DCLK3: variants seen among roughly 807,000 people sequenced by gnomAD.
DCLK3 encodes the protein serine/threonine-protein kinase DCLK3.
DCLK3 carries 30 observed loss-of-function variants against 46.4 expected under a neutral mutation model. The observed-to-expected ratio is 0.65, with a 90% confidence interval of 0.48 to 0.88. The LOEUF is 0.88. Ranked by LOEUF, DCLK3 falls within the 40% of genes least tolerant of loss-of-function variation. DCLK3 has a pLI of 0.00. For synonymous variants in DCLK3, 401 were observed against 339.2 expected (o/e 1.18, Z -2.00); for missense variants, 846 against 907.1 (o/e 0.93, Z 0.87).
At chr3:36,731,451 G>GCACACA (rs55823722) in intron 2 of DCLK3, among the ~76,000 whole-genome samples, 26 of 148,672 alleles carry the variant, frequency 1.7e-4, no homozygotes, top group South Asian at 4.3e-4. Flanking sequence ...CTTCGTGCGT[G>GCACACA]CACACACACA....
In DCLK3 at chr3:36,737,655, C is replaced by A; in HGVS notation, c.1512G>T (p.Glu504Asp). Residue 504 changes from glutamate to aspartate, a missense_variant, in exon 2 of 5, where the codon GAG becomes GAT. Transcript: ENST00000636136. The surrounding 1 kb of genome is among the most constrained non-coding windows in gnomAD (Gnocchi z 4.4). ...PKTRPEENKPERPSGRKPRPM... is the reference protein window; with the variant it reads ...PKTRPEENKPDRPSGRKPRPM... ...GCCGTGGCTTCCGACCGCTGGGCCG[C>A]TCTGGCTTGTTCTCTTCTGGCCTCG... 1 of 1,613,926 alleles carries A rather than the reference C, an allele frequency of 6.2e-7. No individual in the cohort carries two copies. The highest frequency in any genetic ancestry group is 8.5e-7 in the Non-Finnish European group (1 of 1,179,922).
chr3:36,748,873 C>A (rs949837078), intron 1 of DCLK3, among the ~76,000 whole-genome samples: 16 of 152,208 alleles, frequency 1.1e-4, no homozygotes, highest in Non-Finnish European at 4.4e-5. Flanking sequence ...TCTCTTCACA[C>A]GCAGCTCTTT....
At chr3:36,747,902 C>A (rs1042948473) in intron 1 of DCLK3, among the ~76,000 whole-genome samples, 3 of 152,174 alleles carry the variant, frequency 2.0e-5, no homozygotes, top group Non-Finnish European at 4.4e-5. Context: ...TTTAACAAGA[C>A]CCTCAGGTGG....
chr3:36,754,994 A>G (rs1362433284), intron 1 of DCLK3, among the ~76,000 whole-genome samples: 2 of 152,242 alleles, frequency 1.3e-5, no homozygotes, highest in Admixed American at 6.5e-5. Flanking sequence ...TGAAGCTTAT[A>G]TGTACATACA....
At chr3:36,740,418 A>C (rs1461045448) in intron 1 of DCLK3, among the ~76,000 whole-genome samples, 2 of 152,200 alleles carry the variant, frequency 1.3e-5, no homozygotes, top group East Asian at 1.9e-4. Context: ...GGTATTTCTT[A>C]AAGCTCTGAC....
intron 4 of DCLK3, among the ~76,000 whole-genome samples, chr3:36,716,538 T>C (rs536663998): frequency 6.6e-6 from 1 of 152,346 alleles, no homozygotes; most frequent in African/African-American, 2.4e-5. Context: ...TTGAGAATCC[T>C]CAGACTCTTG....
chr3:36,755,158 C>G (rs986973546), intron 1 of DCLK3, among the ~76,000 whole-genome samples: 1 of 152,038 alleles, frequency 6.6e-6, no homozygotes, highest in African/African-American at 2.4e-5. Flanking sequence ...TTAGAAAAGC[C>G]GTTTAAATGA....
At chr3:36,732,549 C>T (rs1404924264) in intron 2 of DCLK3, among the ~76,000 whole-genome samples, 1 of 152,214 alleles carries the variant, frequency 6.6e-6, no homozygotes, top group African/African-American at 2.4e-5. Flanking sequence ...AGCATTCTCA[C>T]TGACTCGATC....
intron 2 of DCLK3, among the ~76,000 whole-genome samples, chr3:36,727,898 C>G (rs1311218029): frequency 6.6e-6 from 1 of 152,232 alleles, no homozygotes; most frequent in Non-Finnish European, 1.5e-5. Flanking sequence ...GGCTTCAGAA[C>G]AGTTCCTATC....
Position 36,738,027 on chromosome 3 carries a change from A to C in DCLK3, c.1140T>G (p.Thr380=), listed in dbSNP as rs1320737429. 6.2e-7 allele frequency: 1 copy of C among 1,613,780 alleles called. No individual in the cohort carries two copies. The highest frequency in any genetic ancestry group is 1.3e-5 in the African/African-American group (1 of 74,842). ...DSHRSSPRNP[T]QELRRPSKSM... ...TCTTGCTGGGTCTCCTCAGCTCTTG[A>C]GTGGGATTCCTGGGGCTGCTCCTGT... Residue 380 remains threonine (T), a synonymous_variant, in exon 2 of 5, where the codon ACT becomes ACG. Coordinates refer to ENST00000636136, the MANE Select transcript of DCLK3 (RefSeq NM_001394672.2).
rs1404713722 is a variant in DCLK3 at position 36,718,233 on chromosome 3, T to C, written c.2093-56A>G. The C allele has an allele frequency of 1.9e-6, 3 of 1,606,112 alleles. No individual in the cohort carries two copies. In the African/African-American group the frequency reaches 4.0e-5, roughly 22 times the overall value. ...ACCTGAGACCAGGCAGGGTCAAAGGTGATGAAATAAATGATGGAGTATTGT... is the reference window on the plus strand; with the variant it reads ...ACCTGAGACCAGGCAGGGTCAAAGGCGATGAAATAAATGATGGAGTATTGT... On this transcript the variant is annotated intron_variant, in intron 3 of 4. Transcript: ENST00000636136.
At chr3:36,729,406 G>A (rs1286823603) in intron 2 of DCLK3, among the ~76,000 whole-genome samples, 1 of 152,228 alleles carries the variant, frequency 6.6e-6, no homozygotes, top group Non-Finnish European at 1.5e-5. Flanking sequence ...AAGGGTGTAA[G>A]AGGTTGCTTT....
Position 36,737,259 on chromosome 3 carries a change from G to A in DCLK3, c.1908C>T (p.His636=), listed in dbSNP as rs1701274466. 1.9e-6 allele frequency: 3 copies of A among 1,614,172 alleles called. No homozygotes were observed. In the South Asian group the frequency reaches 3.3e-5, roughly 18 times the overall value. The change falls in exon 2 of 5, where the codon CAC becomes CAT. Residue 636 remains histidine, a synonymous_variant. Coordinates refer to ENST00000636136, the MANE Select transcript of DCLK3 (RefSeq NM_001394672.2). This position sits in a 1 kb window ranked among gnomAD's most constrained non-coding sequence, Gnocchi z 4.4. ...GGTGGACAATGCTCTTGTCGTGCAT[G>A]TGGACGAGGGCTTTGCATAAGTCCA... ...MIMDLCKALV[H]MHDKSIVHRD...
intron 1 of DCLK3, among the ~76,000 whole-genome samples, chr3:36,762,449 G>A (rs574261606): frequency 1.3e-5 from 2 of 152,146 alleles, no homozygotes; most frequent in Non-Finnish European, 1.5e-5. Context: ...CAAGCCAAGC[G>A]AGGGAAACAA....
rs140246039 is a variant in DCLK3 at position 36,746,733 on chromosome 3, C to T, written c.83-7649G>A. Among the ~76,000 whole-genome samples the T allele has an allele frequency of 3.0e-4, 45 of 152,374 alleles. No homozygotes were observed. In the East Asian group the frequency reaches 7.9e-3, roughly 27 times the overall value. ...TTTCCCTGCTGTCACTGACGTGTCT[C>T]CTTAGAGGATCCTGCTGAAGTGGTT... is the stretch of plus-strand genomic sequence containing the variant. On this transcript the variant is annotated intron_variant, in intron 1 of 4. Coordinates refer to ENST00000636136, the MANE Select transcript of DCLK3 (RefSeq NM_001394672.2).
chr3:36,758,652 T>C (rs1701509802), intron 1 of DCLK3, among the ~76,000 whole-genome samples: 1 of 152,210 alleles, frequency 6.6e-6, no homozygotes, highest in South Asian at 2.1e-4. Context: ...TCCAGAACTG[T>C]TGGGAAAGAA....
At chr3:36,744,905 T>C (rs906291477) in intron 1 of DCLK3, among the ~76,000 whole-genome samples, 15 of 152,236 alleles carry the variant, frequency 9.9e-5, no homozygotes, top group Admixed American at 3.3e-4. Context: ...GCTCTGATTC[T>C]GGGGTGAGCC....
intron 2 of DCLK3, among the ~76,000 whole-genome samples, chr3:36,728,486 G>A (rs578017311): frequency 6.6e-6 from 1 of 152,108 alleles, no homozygotes; most frequent in Non-Finnish European, 1.5e-5. Flanking sequence ...TGGGGGCTTG[G>A]ATAGAACGAA....
intron 2 of DCLK3, among the ~76,000 whole-genome samples, chr3:36,731,206 C>T (rs1701194272): frequency 6.6e-6 from 1 of 152,040 alleles, no homozygotes; most frequent in Admixed American, 6.5e-5. Flanking sequence ...ACTTGATAGC[C>T]TCATATTTCA....
Sources: allele counts gnomAD v4.1 joint callset (sites outside exome capture counted in the v4.1 genomes callset), GRCh38; gene constraint gnomAD v4.1.1; non-coding constraint Gnocchi (gnomAD v3.1); transcripts MANE v1.5; gene names NCBI Gene and HGNC (gene_info 2026-07-23, HGNC 2026-07-21).